The following ENOSF1 variants were observed in gnomAD, a reference collection of about 807,000 sequenced individuals.
The protein encoded by ENOSF1 is mitochondrial enolase superfamily member 1.
Under a neutral mutation model 68.2 loss-of-function variants are expected in ENOSF1, and 73 were observed. The observed-to-expected ratio is 1.07, with a 90% CI of 0.89 to 1.30. ENOSF1 has a LOEUF of 1.30. Among genes scored for constraint, ENOSF1 ranks in the 50% most tolerant of loss-of-function variants. ENOSF1 has a pLI of 0.00. For synonymous variants in ENOSF1, 223 were observed against 210.4 expected, an observed-to-expected ratio of 1.06 and a Z score of -0.52; for missense variants, 589 against 554.5, an observed-to-expected ratio of 1.06 and a Z score of -0.62.
At chr18:668,973 G>T, downstream of ENOSF1, 1 of 973,318 alleles carries the variant, frequency 1.0e-6, no homozygotes, top group Non-Finnish European at 1.5e-6. Context: ...GTCAAGGGGG[G>T]ACCCTGGGTA....
intron 9 of ENOSF1, chr18:686,875 C>T (rs1043173828): frequency 6.6e-6 from 1 of 152,272 alleles, no homozygotes; most frequent in African/African-American, 2.4e-5. Flanking sequence ...CTGTTCTCTT[C>T]TGTACCAGCT....
intron 1 of ENOSF1, among the ~76,000 whole-genome samples, chr18:711,977 T>G (rs1485847819): frequency 6.6e-6 from 1 of 152,140 alleles, no homozygotes; most frequent in Non-Finnish European, 1.5e-5. Flanking sequence ...AGCCCCGGGC[T>G]TCCCGTTCTC....
downstream of ENOSF1, chr18:669,302 T>C: frequency 1.5e-6 from 1 of 654,982 alleles, no homozygotes; most frequent in South Asian, 2.1e-5. Context: ...GTTGATTGTG[T>C]GACGTTGGGC....
chr18:703,401 C>G (rs1222825326), intron 2 of ENOSF1, among the ~76,000 whole-genome samples: 1 of 152,088 alleles, frequency 6.6e-6, no homozygotes, highest in Non-Finnish European at 1.5e-5. Context: ...ATCTTGTAAG[C>G]TCGCTGAGTT....
At chr18:684,496 T>C (rs2076430446) in intron 10 of ENOSF1, among the ~76,000 whole-genome samples, 1 of 152,116 alleles carries the variant, frequency 6.6e-6, no homozygotes, top group Admixed American at 6.5e-5. Context: ...GCTGCTGTAC[T>C]CTAGCCTGGG....
chr18:668,653 T>A (rs534524137), downstream of ENOSF1, among the ~76,000 whole-genome samples: 1 of 152,332 alleles, frequency 6.6e-6, no homozygotes, highest in Admixed American at 6.5e-5. Flanking sequence ...GATACAACAC[T>A]CTCTGTGAGA....
chr18:703,623 G>C (rs2078610157), intron 2 of ENOSF1, among the ~76,000 whole-genome samples: 1 of 152,216 alleles, frequency 6.6e-6, no homozygotes. Context: ...CTGACTCACA[G>C]CATGGTCTTT....
Position 670,988 on chromosome 18 carries a change from A to C in ENOSF1, c.*3317T>G. The C allele has an allele frequency of 8.0e-7, 1 of 1,253,366 alleles. No individual in the cohort carries two copies. The highest frequency in any genetic ancestry group is 1.1e-6 in the Non-Finnish European group (1 of 914,714). The allele number at this position is 1,253,366 out of a possible 1,614,324, so 77.6% of individuals were successfully genotyped here. Reference sequence around the variant, plus strand: ...TTAGCTTTTAAATTTGATATGTGTAAGTAAGAAATGAACCAGCTTTTACTT... The same window carrying C: ...TTAGCTTTTAAATTTGATATGTGTACGTAAGAAATGAACCAGCTTTTACTT... On this transcript the variant is annotated 3_prime_UTR_variant, in exon 16 of 16. Transcript: ENST00000647584.
chr18:677,615 T>C (rs1325158297), intron 13 of ENOSF1, 128 bp downstream of exon 13: 8 of 1,354,582 alleles, frequency 5.9e-6, no homozygotes, highest in Non-Finnish European at 8.0e-6. Context: ...TAAAGCTAAA[T>C]GAGAGTTAGA....
Position 671,518 on chromosome 18 carries a change from G to T in ENOSF1, c.*2787C>A. 3.9e-6 allele frequency: 4 copies of T among 1,034,030 alleles called. No homozygotes were observed. Among genetic ancestry groups the T allele is most frequent in the South Asian group, 2.6e-5 (2 of 78,366 alleles). 64.1% of individuals were successfully genotyped at this position (1,034,030 alleles called of 1,614,324 possible). On this transcript the variant is annotated 3_prime_UTR_variant, in exon 16 of 16. Transcript: ENST00000647584. ...TTGATAAAAGGTTGACTGTGGAACA[G>T]GCATCTGCTCAATGCTGTGTCCAAG... is the stretch of plus-strand genomic sequence containing the variant.
At chr18:699,562 C>T (rs2078099292) in intron 2 of ENOSF1, among the ~76,000 whole-genome samples, 2 of 152,066 alleles carry the variant, frequency 1.3e-5, no homozygotes, top group South Asian at 4.1e-4. Context: ...CCCTTTGATC[C>T]TTTGCCAATT....
intron 11 of ENOSF1, 53 bp downstream of exon 11, chr18:683,193 G>C: frequency 1.2e-6 from 2 of 1,607,706 alleles, no homozygotes; most frequent in Non-Finnish European, 1.7e-6. Flanking sequence ...CCAGCACTCT[G>C]GAAAACTAAA....
intron 7 of ENOSF1, 57 bp from the exon 8 acceptor site, chr18:690,688 A>G (rs1568074611): frequency 8.3e-7 from 1 of 1,199,244 alleles, no homozygotes; most frequent in Non-Finnish European, 1.1e-6. Context: ...TCGGAATTGG[A>G]AGTGCCTGTA....
At chr18:711,143 T>C (rs1229507771) in intron 1 of ENOSF1, among the ~76,000 whole-genome samples, 1 of 151,888 alleles carries the variant, frequency 6.6e-6, no homozygotes, top group Non-Finnish European at 1.5e-5. Flanking sequence ...GCACTCCAGC[T>C]TGGGCAACAG....
In ENOSF1 at chr18:694,348, A is replaced by C. The variant is rs1433943724; in HGVS notation, c.310-14T>G. 2.5e-6 allele frequency: 4 copies of C among 1,613,328 alleles called. No individual in the cohort carries two copies. Among genetic ancestry groups the C allele is most frequent in the Middle Eastern group, 3.3e-4 (2 of 6,060 alleles). On this transcript the variant is annotated splice_polypyrimidine_tract_variant and intron_variant, in intron 3 of 15. Transcript: ENST00000647584. ...TTCTGGACCAATCTGGTTAGGAAGCAAAGTACAAAAGCACTTTTTAGAAAT... is the reference window on the plus strand; with the variant it reads ...TTCTGGACCAATCTGGTTAGGAAGCCAAGTACAAAAGCACTTTTTAGAAAT...
At chr18:693,033 C>CA in intron 5 of ENOSF1, 1 of 1,260,622 alleles carries the variant, frequency 7.9e-7, no homozygotes, top group Non-Finnish European at 1.0e-6. Context: ...CACCGCAGCT[C>CA]AGAGTGGGGA....
intron 5 of ENOSF1, chr18:693,229 T>C (rs991660526): frequency 3.6e-5 from 47 of 1,289,030 alleles, no homozygotes; most frequent in Non-Finnish European, 4.7e-5. Flanking sequence ...AGCTTTAGAA[T>C]TCAGTGTTGA....
downstream of ENOSF1, among the ~76,000 whole-genome samples, chr18:665,975 A>G (rs2074808428): frequency 1.0e-5 from 1 of 97,740 alleles, no homozygotes; most frequent in African/African-American, 6.7e-5. Flanking sequence ...GCGGTGCTGA[A>G]AAAAATGTAT....
chr18:712,060 G>A (rs1361702237), intron 1 of ENOSF1, among the ~76,000 whole-genome samples: 1 of 152,160 alleles, frequency 6.6e-6, no homozygotes, highest in Non-Finnish European at 1.5e-5. Context: ...GTTTCCACTG[G>A]CGGGAACCCA....
Sources: allele counts gnomAD v4.1 joint callset (sites outside exome capture counted in the v4.1 genomes callset), GRCh38; gene constraint gnomAD v4.1.1; transcripts MANE v1.5; gene names NCBI Gene and HGNC (gene_info 2026-07-23, HGNC 2026-07-21).